The following KCNQ3 variants were observed in gnomAD, a reference collection of about 807,000 sequenced individuals.
KCNQ3 encodes potassium voltage-gated channel subfamily KQT member 3.
Under a neutral mutation model 92.5 loss-of-function variants are expected in KCNQ3, and 30 were observed. The ratio of observed to expected loss-of-function variants is 0.32; its 90% confidence interval spans 0.24 to 0.44. KCNQ3 has a LOEUF of 0.44. KCNQ3 is among the 20% of genes least tolerant of loss of function. The probability of loss-of-function intolerance (pLI) is 1.00; values close to 1 mark genes in which losing one functional copy is unlikely to be tolerated. For synonymous variants in KCNQ3, 450 were observed against 468.8 expected, an observed-to-expected ratio of 0.96 and a Z score of 0.52; for missense variants, 913 against 1,140.3, an observed-to-expected ratio of 0.80 and a Z score of 2.87.
chr8:132,144,231 T>C (rs769023087), intron 9 of KCNQ3, among the ~76,000 whole-genome samples: 7 of 152,190 alleles, frequency 4.6e-5, no homozygotes, highest in Non-Finnish European at 7.4e-5. Context: ...TGGAACAAAG[T>C]CAGAAGTCTC....
chr8:132,307,663 A>C (rs945951575), intron 1 of KCNQ3, among the ~76,000 whole-genome samples: 6 of 152,188 alleles, frequency 3.9e-5, no homozygotes, highest in Admixed American at 6.5e-5. Context: ...CTCACTCATA[A>C]GTGTTTGTTT....
intron 1 of KCNQ3, among the ~76,000 whole-genome samples, chr8:132,293,987 T>TG (rs58877249): frequency 6.8e-6 from 1 of 146,776 alleles, no homozygotes; most frequent in South Asian, 2.2e-4. Context: ...TAAGGGTTTT[T>TG]TGTGTGTGTG....
At chr8:132,289,961 CTT>C (rs539935936) in intron 1 of KCNQ3, among the ~76,000 whole-genome samples, 2 of 152,168 alleles carry the variant, frequency 1.3e-5, no homozygotes, top group Non-Finnish European at 2.9e-5. Context: ...CTTGCTGTCT[CTT>C]TTGTAGACTC....
intron 1 of KCNQ3, among the ~76,000 whole-genome samples, chr8:132,216,521 T>C (rs893607582): frequency 1.9e-4 from 29 of 152,308 alleles, no homozygotes; most frequent in African/African-American, 6.7e-4. Context: ...CTCCCACCAG[T>C]GGCACAATGC....
chr8:132,224,278 T>G (rs1436380141), intron 1 of KCNQ3, among the ~76,000 whole-genome samples: 6 of 151,906 alleles, frequency 3.9e-5, no homozygotes, highest in Admixed American at 3.9e-4. Context: ...GATTTAAAAT[T>G]TATACTTGCA....
At chr8:132,214,345 T>C (rs1222896692) in intron 1 of KCNQ3, among the ~76,000 whole-genome samples, 1 of 152,240 alleles carries the variant, frequency 6.6e-6, no homozygotes, top group Non-Finnish European at 1.5e-5. Flanking sequence ...TATTTCTCTC[T>C]CTCTCCTTTC....
At chr8:132,267,026 A>G (rs1468455678) in intron 1 of KCNQ3, among the ~76,000 whole-genome samples, 2 of 152,184 alleles carry the variant, frequency 1.3e-5, no homozygotes, top group Non-Finnish European at 2.9e-5. Flanking sequence ...CCATGTGAAA[A>G]TGGGTGGCTT....
intron 12 of KCNQ3, among the ~76,000 whole-genome samples, chr8:132,136,424 C>T (rs1825095869): frequency 2.0e-5 from 3 of 152,054 alleles, no homozygotes; most frequent in Admixed American, 2.0e-4. Context: ...TTTCAAAGGG[C>T]ATTTTTACAG....
chr8:132,431,326 C>A (rs116809444), intron 1 of KCNQ3, among the ~76,000 whole-genome samples: 2,694 of 152,294 alleles, frequency 0.018, 78 homozygotes, highest in African/African-American at 0.061. Flanking sequence ...TCTGGAGGCA[C>A]TGGGGATGGT....
intron 1 of KCNQ3, among the ~76,000 whole-genome samples, chr8:132,206,060 C>T (rs772841850): frequency 2.0e-5 from 3 of 152,154 alleles, no homozygotes; most frequent in Non-Finnish European, 4.4e-5. Flanking sequence ...AAGAAGAGGA[C>T]ATATCTATAA....
rs768819632 is a variant in KCNQ3 at position 132,259,947 on chromosome 8, C to T, written c.387-73766G>A. On this transcript the variant is annotated intron_variant, in intron 1 of 14. Transcript: ENST00000388996. ...CCAAAGGAATAAATTTAGTACAAGA[C>T]GTACAAGGCTTGTACCTGACAACTA... Among the ~76,000 whole-genome samples the T allele has an allele frequency of 5.9e-5, 9 of 152,184 alleles. No individual in the cohort carries two copies. The South Asian group carries it at 6.2e-4, about 11-fold the overall frequency.
chr8:132,307,745 G>A (rs1233400910), intron 1 of KCNQ3, among the ~76,000 whole-genome samples: 1 of 152,150 alleles, frequency 6.6e-6, no homozygotes, highest in Non-Finnish European at 1.5e-5. Flanking sequence ...AAATGCAAAA[G>A]AAAAAACAGA....
chr8:132,471,386 C>G (rs1280377405), intron 1 of KCNQ3, among the ~76,000 whole-genome samples: 1 of 152,144 alleles, frequency 6.6e-6, no homozygotes, highest in East Asian at 1.9e-4. Context: ...GGTCACCCTC[C>G]AAGTCAATAC....
intron 11 of KCNQ3, among the ~76,000 whole-genome samples, chr8:132,138,687 G>A (rs1390218967): frequency 6.6e-6 from 1 of 152,178 alleles, no homozygotes; most frequent in East Asian, 1.9e-4. Context: ...CTTCTGTTGA[G>A]CACAGAGTTT....
chr8:132,255,472 T>G (rs980229314), intron 1 of KCNQ3, among the ~76,000 whole-genome samples: 3 of 152,210 alleles, frequency 2.0e-5, no homozygotes, highest in African/African-American at 7.2e-5. Flanking sequence ...ACAGGGATTT[T>G]CCTACATATT....
At chr8:132,245,618 C>G (rs1815147487) in intron 1 of KCNQ3, among the ~76,000 whole-genome samples, 1 of 152,016 alleles carries the variant, frequency 6.6e-6, no homozygotes, top group Non-Finnish European at 1.5e-5. Flanking sequence ...ACTCAACTTC[C>G]AGGTTAACCA....
chr8:132,187,273 C>T, intron 1 of KCNQ3: 1 of 455,896 alleles, frequency 2.2e-6, no homozygotes, highest in Non-Finnish European at 4.4e-6. Flanking sequence ...AGCTGGAATT[C>T]AATGATGAAT....
At chr8:132,386,049 G>C (rs549605546) in intron 1 of KCNQ3, among the ~76,000 whole-genome samples, 4 of 152,230 alleles carry the variant, frequency 2.6e-5, no homozygotes. Flanking sequence ...GGATGGTGCA[G>C]GGAAAGATCA....
intron 1 of KCNQ3, among the ~76,000 whole-genome samples, chr8:132,468,271 T>C (rs936522611): frequency 6.5e-4 from 99 of 152,172 alleles, no homozygotes; most frequent in African/African-American, 2.3e-3. Flanking sequence ...AGGAGAGAGA[T>C]GAATAGTCCA....
Sources: allele counts gnomAD v4.1 joint callset (sites outside exome capture counted in the v4.1 genomes callset), GRCh38; gene constraint gnomAD v4.1.1; transcripts MANE v1.5; gene names NCBI Gene and HGNC (gene_info 2026-07-23, HGNC 2026-07-21).